Variants in ABCA13 observed in about 807,000 individuals in gnomAD.
The protein encoded by ABCA13 is ATP-binding cassette sub-family A member 13.
A neutral mutation model predicts 478.7 loss-of-function variants in ABCA13; 476 were observed. That is an observed-to-expected ratio of 0.99 (90% CI 0.92 to 1.07). The LOEUF (loss-of-function observed/expected upper bound fraction) is 1.07, where lower values mean the gene tolerates loss of function less well. Among genes scored for constraint, ABCA13 ranks in the 50% least tolerant of loss-of-function variants. ABCA13 has a pLI of 0.00. For missense variants in ABCA13, 6,060 were observed against 5,910.6 expected (o/e 1.03, Z -0.83); for synonymous variants, 2,252 against 2,158.9 (o/e 1.04, Z -1.20).
chr7:48,368,782 C>T (rs1812175280), intron 32 of ABCA13, among the ~76,000 whole-genome samples: 1 of 149,216 alleles, frequency 6.7e-6, no homozygotes, highest in African/African-American at 2.5e-5. Flanking sequence ...CATATACACA[C>T]ACACACACAC....
chr7:48,534,730 G>A (rs1018180400), intron 55 of ABCA13, among the ~76,000 whole-genome samples: 1 of 152,098 alleles, frequency 6.6e-6, no homozygotes, highest in African/African-American at 2.4e-5. Context: ...TGTCTTTGAT[G>A]AATTGGGTTA....
At chr7:48,627,288 T>C (rs1229795485) in intron 59 of ABCA13, among the ~76,000 whole-genome samples, 2 of 141,236 alleles carry the variant, frequency 1.4e-5, no homozygotes, top group African/African-American at 2.4e-5. Flanking sequence ...ACTTCAATAG[T>C]CTCAACCAAC....
At chr7:48,388,938 G>T in intron 36 of ABCA13, 102 bp from the exon 37 acceptor site, 1 of 1,350,306 alleles carries the variant, frequency 7.4e-7, no homozygotes, top group Non-Finnish European at 1.0e-6. Context: ...GCTTCACAGA[G>T]CTGGAATTCA....
At chr7:48,306,553 G>T (rs1237356767) in intron 23 of ABCA13, among the ~76,000 whole-genome samples, 1 of 152,128 alleles carries the variant, frequency 6.6e-6, no homozygotes, top group South Asian at 2.1e-4. Flanking sequence ...CCTATATTCT[G>T]CTCCCAACCT....
At chr7:48,528,458 A>C in intron 55 of ABCA13, 113 bp downstream of exon 55, 4 of 724,740 alleles carry the variant, frequency 5.5e-6, no homozygotes, top group Non-Finnish European at 8.4e-6. Flanking sequence ...ATTTTCCTCC[A>C]AATTTACCTT....
chr7:48,250,969 C>A (rs747035441), intron 15 of ABCA13, among the ~76,000 whole-genome samples: 2 of 152,130 alleles, frequency 1.3e-5, no homozygotes, highest in South Asian at 4.1e-4. Context: ...GTGGCTATTA[C>A]GACCTTGCCT....
At chr7:48,366,310 G>A (rs1319516206) in intron 31 of ABCA13, among the ~76,000 whole-genome samples, 3 of 151,466 alleles carry the variant, frequency 2.0e-5, no homozygotes, top group South Asian at 2.1e-4. Flanking sequence ...TACTTCATCC[G>A]CTTTCTGCTT....
intron 55 of ABCA13, among the ~76,000 whole-genome samples, chr7:48,535,762 A>C (rs1833525805): frequency 6.6e-6 from 1 of 152,010 alleles, no homozygotes; most frequent in African/African-American, 2.4e-5. Flanking sequence ...GCCTCTGCTG[A>C]GTCACACAGG....
At chr7:48,210,889 C>G (rs1785554006) in intron 3 of ABCA13, among the ~76,000 whole-genome samples, 2 of 151,866 alleles carry the variant, frequency 1.3e-5, no homozygotes, top group African/African-American at 2.4e-5. Flanking sequence ...TCAAATGATT[C>G]TTCATTGCTT....
At position 48,272,573 on chromosome 7, in the gene ABCA13, C is replaced by T; in HGVS notation, c.2907C>T (p.Tyr969=). 6.2e-7 allele frequency: 1 copy of T among 1,613,626 alleles called. No homozygotes were observed. Among genetic ancestry groups the T allele is most frequent in the East Asian group, 2.2e-5 (1 of 44,856 alleles). The part of the protein sequence containing the change: ...ALLLQIYSSF[Y]RYIYELLNIQ... Reference sequence around the variant, plus strand: ...TTCTGCAAATTTATTCTTCATTTTACCGATATATTTATGAATTATTGAATA... The same window carrying T: ...TTCTGCAAATTTATTCTTCATTTTATCGATATATTTATGAATTATTGAATA... The change falls in exon 17 of 62, where the codon TAC becomes TAT. Residue 969 remains tyrosine (Y), a synonymous_variant. Transcript: ENST00000435803.
rs1796653513 is a variant in ABCA13, at chr7:48,278,929, A to T, written c.7735A>T (p.Ile2579Leu). 9.3e-6 allele frequency: 15 copies of T among 1,613,272 alleles called. No individual in the cohort carries two copies. Among genetic ancestry groups the T allele is most frequent in the Non-Finnish European group, 1.2e-5 (14 of 1,179,856 alleles). ...GAAAGAAATAGCTACTTTAAAAAAAATAGATCATTTCACATTTGAAAAGAT... is the reference window on the plus strand; with the variant it reads ...GAAAGAAATAGCTACTTTAAAAAAATTAGATCATTTCACATTTGAAAAGAT... ...LVKEIATLKKIDHFTFEKIND... is the reference protein window; with the variant it reads ...LVKEIATLKKLDHFTFEKIND... Residue 2579 changes from isoleucine to leucine, a missense_variant, in exon 18 of 62, where the codon ATA becomes TTA. Transcript: ENST00000435803.
chr7:48,265,822 T>G (rs971869414), intron 15 of ABCA13, among the ~76,000 whole-genome samples: 5 of 151,632 alleles, frequency 3.3e-5, no homozygotes. Context: ...GAAGGTAACA[T>G]CTTTGTCTTT....
chr7:48,222,454 A>G (rs996342284), intron 5 of ABCA13, among the ~76,000 whole-genome samples: 2 of 152,238 alleles, frequency 1.3e-5, no homozygotes, highest in Non-Finnish European at 2.9e-5. Flanking sequence ...CTGAAAATTA[A>G]TGTTATGTAT....
chr7:48,457,761 G>T (rs1825829837), intron 43 of ABCA13, among the ~76,000 whole-genome samples: 1 of 152,154 alleles, frequency 6.6e-6, no homozygotes, highest in Admixed American at 6.5e-5. Flanking sequence ...ATCAGTGATT[G>T]CAAGTGCCCC....
intron 54 of ABCA13, among the ~76,000 whole-genome samples, chr7:48,524,668 A>G (rs1451635539): frequency 6.6e-6 from 1 of 152,190 alleles, no homozygotes; most frequent in East Asian, 1.9e-4. Context: ...TTATAATGTT[A>G]AAAATTTCAT....
At chr7:48,374,757 G>A (rs1027036098) in intron 34 of ABCA13, among the ~76,000 whole-genome samples, 3 of 152,180 alleles carry the variant, frequency 2.0e-5, no homozygotes, top group African/African-American at 7.2e-5. Context: ...CCATCTGTTA[G>A]ATCAGGGGTC....
chr7:48,420,034 C>T (rs936227856), intron 41 of ABCA13, among the ~76,000 whole-genome samples: 26 of 152,118 alleles, frequency 1.7e-4, no homozygotes, highest in African/African-American at 5.8e-4. Flanking sequence ...TGACACTTGG[C>T]GAGCATTGAC....
chr7:48,510,068 T>C (rs929204689), intron 50 of ABCA13, among the ~76,000 whole-genome samples: 1 of 152,248 alleles, frequency 6.6e-6, no homozygotes, highest in Non-Finnish European at 1.5e-5. Context: ...CCAAATGGTG[T>C]TGGGCATAAA....
Position 48,464,920 on chromosome 7 carries a change from A to G in ABCA13, c.12816-2036A>G, listed in dbSNP as rs1000103019. Among the ~76,000 whole-genome samples the G allele has an allele frequency of 3.9e-5, 6 of 152,196 alleles. 1 individual carries two copies. The South Asian group carries it at 1.2e-3, about 31-fold the overall frequency. ...GGAGCAGAGGAGGCAGGGAGGACTT[A>G]TTATGGAATCGGTGTTCCAACCAAG... On this transcript the variant is annotated intron_variant, in intron 43 of 61. Coordinates refer to ENST00000435803, the MANE Select transcript of ABCA13 (RefSeq NM_152701.5).
Sources: gnomAD v4.1 joint callset for allele counts (sites outside exome capture counted in the v4.1 genomes callset) on GRCh38, gnomAD v4.1.1 for gene constraint, MANE v1.5 for transcripts, NCBI Gene and HGNC (gene_info 2026-07-23, HGNC 2026-07-21) for gene names.